The following SH2B1 variants were observed in gnomAD, a reference collection of about 807,000 sequenced individuals.
SH2B1 encodes SH2B adapter protein 1.
SH2B1 carries 15 observed loss-of-function variants against 62.6 expected under a neutral mutation model. The observed-to-expected ratio is 0.24, with a 90% CI of 0.16 to 0.37. The LOEUF (loss-of-function observed/expected upper bound fraction) is 0.37. SH2B1 is among the 10% of genes least tolerant of loss of function. The probability of loss-of-function intolerance (pLI) is 1.00; values close to 1 mark genes in which losing one functional copy is unlikely to be tolerated. For synonymous variants in SH2B1, 443 were observed against 438.0 expected (o/e 1.01, Z -0.14); for missense variants, 925 against 1,015.6 (o/e 0.91, Z 1.21).
upstream of SH2B1, among the ~76,000 whole-genome samples, chr16:28,860,623 G>A (rs760380112): frequency 8.0e-4 from 121 of 152,144 alleles, no homozygotes; most frequent in Middle Eastern, 3.4e-3. Flanking sequence ...ACCAAGTCAC[G>A]CAGCAGTCTC....
Position 28,865,853 on chromosome 16 carries a change from C to A in SH2B1, c.-242C>A. The A allele has an allele frequency of 7.7e-7, 1 of 1,294,118 alleles. No individual in the cohort carries two copies. Among genetic ancestry groups the A allele is most frequent in the Non-Finnish European group, 9.8e-7 (1 of 1,023,150 alleles). The allele number at this position is 1,294,118 out of a possible 1,614,324, so 80.2% of individuals were successfully genotyped here. On this transcript the variant is annotated 5_prime_UTR_variant, in exon 1 of 8. Transcript: ENST00000684370. The stretch of plus-strand genomic sequence containing the variant: ...CCAGTTGGCTGGGGCCTGCAGGGTG[C>A]CAGGATCTGGGAGAGGGAAGGGAGG...
At position 28,864,713 on chromosome 16, in the gene SH2B1, G is replaced by A; in HGVS notation, c.-1382G>A. 1.0e-6 allele frequency: 1 copy of A among 972,452 alleles called. No individual in the cohort carries two copies. Among genetic ancestry groups the A allele is most frequent in the Non-Finnish European group, 1.2e-6 (1 of 818,236 alleles). The allele number at this position is 972,452 out of a possible 1,614,324, so 60.2% of individuals were successfully genotyped here. On this transcript the variant is annotated 5_prime_UTR_variant, in exon 1 of 8. Coordinates refer to ENST00000684370, the MANE Select transcript of SH2B1 (RefSeq NM_001387430.1). Reference sequence around the variant, plus strand: ...CGGGAGGAGCGCTAACAAGAGCCAAGGGTTGTAAATTCCACACCCAGCTCT... The same window carrying A: ...CGGGAGGAGCGCTAACAAGAGCCAAAGGTTGTAAATTCCACACCCAGCTCT...
Position 28,867,442 on chromosome 16 carries a change from C to CA in SH2B1, c.1041+12dup. 6.2e-7 allele frequency: 1 copy of CA among 1,601,364 alleles called. No homozygotes were observed. Among genetic ancestry groups the CA allele is most frequent in the Admixed American group, 1.7e-5 (1 of 60,000 alleles). On this transcript the variant is annotated intron_variant, in intron 2 of 7. Coordinates refer to ENST00000684370, the MANE Select transcript of SH2B1 (RefSeq NM_001387430.1). ...CACGTTTGTGGTTAAGGTAGGAATT[C>CA]AACTTCCCAGCCGCCGGCAGTGCTT...
chr16:28,852,878 T>TA (rs1962201685), intron 1 of SH2B1, among the ~76,000 whole-genome samples: 1 of 45,000 alleles, frequency 2.2e-5, no homozygotes, highest in Non-Finnish European at 4.7e-5. Context: ...ATATATATTT[T>TA]TATATATATT....
chr16:28,867,723 A>G (rs183228651), intron 2 of SH2B1, among the ~76,000 whole-genome samples: 2 of 152,306 alleles, frequency 1.3e-5, no homozygotes, highest in East Asian at 3.9e-4. Flanking sequence ...ATCATAGCTC[A>G]CTGTAGCCTC....
intron 1 of SH2B1, 71 bp downstream of exon 1, chr16:28,867,104 A>G: frequency 1.1e-5 from 18 of 1,586,756 alleles, no homozygotes; most frequent in Non-Finnish European, 1.5e-5. Context: ...AGCCCTGCAG[A>G]TAAGCTCTGG....
At chr16:28,857,835 G>A (rs1962356723) in intron 1 of SH2B1, among the ~76,000 whole-genome samples, 1 of 151,728 alleles carries the variant, frequency 6.6e-6, no homozygotes, top group Non-Finnish European at 1.5e-5. Flanking sequence ...CGCCTCCTGG[G>A]TTCACGCCAT....
In SH2B1 at chr16:28,865,912, G is replaced by C. The variant is rs1962655350; in HGVS notation, c.-183G>C. The stretch of plus-strand genomic sequence containing the variant: ...TCCCTTCCCCATTGCTCTCTGCGGA[G>C]TCTGAAGTAGGGTCGGACGTCTCTG... On this transcript the variant is annotated 5_prime_UTR_variant, in exon 1 of 8. Coordinates refer to ENST00000684370, the MANE Select transcript of SH2B1 (RefSeq NM_001387430.1). 7.1e-7 allele frequency: 1 copy of C among 1,403,878 alleles called. No individual in the cohort carries two copies. Among genetic ancestry groups the C allele is most frequent in the East Asian group, 2.7e-5 (1 of 37,424 alleles). The allele number at this position is 1,403,878 out of a possible 1,614,324, so 87.0% of individuals were successfully genotyped here. A position where few individuals can be genotyped will look rare whatever the true frequency, so the allele number is the denominator to read the frequency against.
Position 28,864,438 on chromosome 16 carries a change from TC to T in SH2B1, c.-1656del. 1.0e-6 allele frequency: 1 copy of T among 986,572 alleles called. No individual in the cohort carries two copies. Among genetic ancestry groups the T allele is most frequent in the Non-Finnish European group, 1.2e-6 (1 of 830,614 alleles). 61.1% of individuals were successfully genotyped at this position (986,572 alleles called of 1,614,324 possible). On this transcript the variant is annotated 5_prime_UTR_variant, in exon 1 of 8. Coordinates refer to ENST00000684370, the MANE Select transcript of SH2B1 (RefSeq NM_001387430.1). ...CGCTGGCTGGAGATTGGTTTGCACT[TC>T]TTGGCTGGGTTCCCCCGTGCTCCAT...
Position 28,866,269 on chromosome 16 carries a change from G to C in SH2B1, c.175G>C (p.Gly59Arg). 1.9e-6 allele frequency: 3 copies of C among 1,610,400 alleles called. No homozygotes were observed. The highest frequency in any genetic ancestry group is 2.5e-6 in the Non-Finnish European group (3 of 1,179,250). The change falls in exon 1 of 8, where the codon GGG becomes CGG. Residue 59 changes from glycine (G) to arginine (R), a missense_variant. By Grantham distance (125) the Gly-to-Arg change is moderately radical. Coordinates refer to ENST00000684370, the MANE Select transcript of SH2B1 (RefSeq NM_001387430.1). The surrounding 1 kb of genome is among the most constrained non-coding windows in gnomAD (Gnocchi z 6.3). ...CTCCCACCCCCAATATGCGGGGCCC[G>C]GGGCCGAGGCTGCCTTCTCCCGCCG... is the stretch of plus-strand genomic sequence containing the variant. Reference protein sequence around the residue: ...LASHPQYAGPGAEAAFSRRFA... With the variant: ...LASHPQYAGPRAEAAFSRRFA...
chr16:28,851,917 A>T (rs1366076335), intron 1 of SH2B1, among the ~76,000 whole-genome samples: 1 of 150,138 alleles, frequency 6.7e-6, no homozygotes, highest in Admixed American at 6.6e-5. Flanking sequence ...AAATACAAAA[A>T]ATAGTTGGGC....
chr16:28,863,673 A>G (rs1012236564), upstream of SH2B1: 1 of 1,535,092 alleles, frequency 6.5e-7, no homozygotes, highest in Non-Finnish European at 8.7e-7. Flanking sequence ...TTTAGGTGCA[A>G]CTGGAGAAGG....
chr16:28,865,617 A>T lies in SH2B1; in HGVS notation c.-478A>T. 1.0e-6 allele frequency: 1 copy of T among 987,204 alleles called. No homozygotes were observed. The highest frequency in any genetic ancestry group is 1.2e-6 in the Non-Finnish European group (1 of 831,248). 61.2% of individuals were successfully genotyped at this position (987,204 alleles called of 1,614,324 possible). On this transcript the variant is annotated 5_prime_UTR_variant, in exon 1 of 8. Coordinates refer to ENST00000684370, the MANE Select transcript of SH2B1 (RefSeq NM_001387430.1). ...GTTCGAGAGGTCTTTGAAACCTCTC[A>T]GGGAAAGGTAAGATAACCAAGTGGG...
In SH2B1 at chr16:28,866,668, C is replaced by A. The variant is rs1443513436; in HGVS notation, c.574C>A (p.Pro192Thr). ...AGPLETSSGPPVLGGNSNSNS... is the reference protein window; with the variant it reads ...AGPLETSSGPTVLGGNSNSNS... ...GCCCCTGGAGACCTCGTCAGGCCCC[C>A]CAGTCTTAGGTGGAAACAGCAACTC... The change falls in exon 1 of 8, where the codon CCA becomes ACA. Residue 192 changes from proline (P) to threonine (T), a missense_variant. Coordinates refer to ENST00000684370, the MANE Select transcript of SH2B1 (RefSeq NM_001387430.1). The surrounding 1 kb of genome is among the most constrained non-coding windows in gnomAD (Gnocchi z 6.3). 6.2e-7 allele frequency: 1 copy of A among 1,609,180 alleles called. No homozygotes were observed. The highest frequency in any genetic ancestry group is 1.3e-5 in the African/African-American group (1 of 74,788).
rs746552060 is a variant in SH2B1 at position 28,873,252 on chromosome 16, C to T, written c.1898-195C>T. On this transcript the variant is annotated intron_variant, in intron 7 of 7. Coordinates refer to ENST00000684370, the MANE Select transcript of SH2B1 (RefSeq NM_001387430.1). This position sits in a 1 kb window ranked among gnomAD's most constrained non-coding sequence, Gnocchi z 4.2. The stretch of plus-strand genomic sequence containing the variant: ...ATGCCTCCTGCACCCTCATGCCCTT[C>T]GGAGCGAGTGACTGTGTGTAAGTGT... 3.1e-6 allele frequency: 5 copies of T among 1,607,710 alleles called. No individual in the cohort carries two copies. The highest frequency in any genetic ancestry group is 1.7e-4 in the Middle Eastern group (1 of 6,046).
At chr16:28,855,413 G>T (rs1326679267) in intron 1 of SH2B1, among the ~76,000 whole-genome samples, 1 of 151,752 alleles carries the variant, frequency 6.6e-6, no homozygotes, top group Non-Finnish European at 1.5e-5. Context: ...AAGACGAGGG[G>T]TTTCACCATG....
chr16:28,861,892 TGCTAA>T (rs1962455163), upstream of SH2B1: 1 of 152,274 alleles, frequency 6.6e-6, no homozygotes, highest in South Asian at 2.1e-4. Context: ...CTAGGAGAGT[TGCTAA>T]GCTATTAGGG....
At chr16:28,848,667 CCTTTTTT>C (rs1243453115) in intron 1 of SH2B1, among the ~76,000 whole-genome samples, 7 of 127,904 alleles carry the variant, frequency 5.5e-5, no homozygotes, top group Admixed American at 1.7e-4. Flanking sequence ...ACCGCACTGT[CCTTTTTT>C]TTTTTTTTTT....
At position 28,873,775 on chromosome 16, in the gene SH2B1, AG is replaced by A; in HGVS notation, c.2231del (p.Gly744AlafsTer57). 1 of 1,468,962 alleles carries A rather than the reference AG, an allele frequency of 6.8e-7. No homozygotes were observed. The highest frequency in any genetic ancestry group is 9.0e-7 in the Non-Finnish European group (1 of 1,111,658). 91.0% of individuals were successfully genotyped at this position (1,468,962 alleles called of 1,614,324 possible). On this transcript the variant is annotated frameshift_variant, in exon 8 of 8. Coordinates refer to ENST00000684370, the MANE Select transcript of SH2B1 (RefSeq NM_001387430.1). LOFTEE classifies it high-confidence loss of function. This position sits in a 1 kb window ranked among gnomAD's most constrained non-coding sequence, Gnocchi z 4.2. ...QSPLGGDGEE[G>X]GHPRAINNQY... is the part of the protein sequence containing the mutation. Reference sequence around the variant, plus strand: ...CACCACTAGGGGGTGATGGAGAGGAAGGGGGCCACCCCAGGGCCATTAACAA... The same window carrying A: ...CACCACTAGGGGGTGATGGAGAGGAAGGGGCCACCCCAGGGCCATTAACAA...
Sources: allele counts gnomAD v4.1 joint callset (sites outside exome capture counted in the v4.1 genomes callset), GRCh38; gene constraint gnomAD v4.1.1; non-coding constraint Gnocchi (gnomAD v3.1); transcripts MANE v1.5; gene names NCBI Gene and HGNC (gene_info 2026-07-23, HGNC 2026-07-21).